Variants in RAD51B observed in about 807,000 individuals in gnomAD.
RAD51B encodes the protein DNA repair protein RAD51 homolog 2.
Under a neutral mutation model 42.2 loss-of-function variants are expected in RAD51B, and 38 were observed. The ratio of observed to expected loss-of-function variants is 0.90; its 90% CI spans 0.70 to 1.18. The LOEUF is 1.18. RAD51B is among the 50% of genes most tolerant of loss of function. The pLI is 0.00. For missense variants in RAD51B, 373 were observed against 400.7 expected, an observed-to-expected ratio of 0.93 and a Z score of 0.59; for synonymous variants, 154 against 145.2, an observed-to-expected ratio of 1.06 and a Z score of -0.43.
At chr14:67,858,569 G>A (rs1327564902) in intron 4 of RAD51B, among the ~76,000 whole-genome samples, 2 of 152,208 alleles carry the variant, frequency 1.3e-5, no homozygotes, top group Admixed American at 6.5e-5. Context: ...CCACTCAAAG[G>A]TGGGCGAGAC....
chr14:67,990,264 G>T (rs1024810807), intron 7 of RAD51B, among the ~76,000 whole-genome samples: 1 of 151,914 alleles, frequency 6.6e-6, no homozygotes, highest in African/African-American at 2.4e-5. Flanking sequence ...GAAAGTGCTG[G>T]GATTACAGGC....
chr14:68,350,444 C>G (rs949040326), intron 8 of RAD51B, among the ~76,000 whole-genome samples: 1 of 152,200 alleles, frequency 6.6e-6, no homozygotes, highest in African/African-American at 2.4e-5. Flanking sequence ...AATTGAGACA[C>G]TAAACTGCAT....
downstream of RAD51B, among the ~76,000 whole-genome samples, chr14:68,597,975 G>T (rs1295944677): frequency 6.6e-6 from 1 of 152,064 alleles, no homozygotes; most frequent in Non-Finnish European, 1.5e-5. Flanking sequence ...AGATCCTACT[G>T]CTTCAGCTCC....
At chr14:67,947,717 A>G (rs2045443677) in intron 7 of RAD51B, among the ~76,000 whole-genome samples, 1 of 152,172 alleles carries the variant, frequency 6.6e-6, no homozygotes, top group South Asian at 2.1e-4. Context: ...GTGTTTTTGT[A>G]GAAAGACTAA....
downstream of RAD51B, among the ~76,000 whole-genome samples, chr14:68,612,782 G>GTA (rs1305421483): frequency 6.7e-6 from 1 of 148,536 alleles, no homozygotes; most frequent in Non-Finnish European, 1.5e-5. Flanking sequence ...TTTATGTTAC[G>GTA]TATATTTGAC....
Position 68,303,470 on chromosome 14 carries a change from AAAAAAAG to A in RAD51B, c.853+11495_853+11501del, listed in dbSNP as rs1352596736. Among the ~76,000 whole-genome samples the A allele has an allele frequency of 4.7e-5, 6 of 126,472 alleles. 1 individual carries two copies. In the East Asian group the frequency reaches 7.0e-4, roughly 15 times the overall value. The allele number at this position is 126,472 out of a possible 152,430, so 83.0% of individuals were successfully genotyped here. ...TATAAAGTATAATAAAAAAAAAAAA[AAAAAAAG>A]AAAAGAAAAAGAAATACGGAAGTGA... is the stretch of plus-strand genomic sequence containing the variant. On this transcript the variant is annotated intron_variant, in intron 8 of 10. Coordinates refer to ENST00000471583, the MANE Select transcript of RAD51B (RefSeq NM_133510.4).
At chr14:68,441,382 AAAAC>A (rs2085282682) in intron 9 of RAD51B, among the ~76,000 whole-genome samples, 1 of 144,426 alleles carries the variant, frequency 6.9e-6, no homozygotes, top group South Asian at 2.2e-4. Context: ...CTCTAGTAAA[AAAAC>A]AAAAAATTAG....
intron 10 of RAD51B, among the ~76,000 whole-genome samples, chr14:68,645,772 C>T (rs1193428885): frequency 6.6e-6 from 1 of 152,174 alleles, no homozygotes; most frequent in Non-Finnish European, 1.5e-5. Flanking sequence ...TCTCCAGACA[C>T]ATCCCTCCTC....
intron 7 of RAD51B, among the ~76,000 whole-genome samples, chr14:68,184,628 A>AC: frequency 6.7e-6 from 1 of 149,936 alleles, no homozygotes; most frequent in African/African-American, 2.5e-5. Context: ...AAAAAACCAA[A>AC]AAAAAAAACA....
chr14:67,890,746 T>A (rs2043195120), intron 7 of RAD51B, among the ~76,000 whole-genome samples: 1 of 151,982 alleles, frequency 6.6e-6, no homozygotes, highest in Non-Finnish European at 1.5e-5. Context: ...AAAGTACAAT[T>A]AAGGTTTATG....
chr14:68,075,833 G>A lies in RAD51B; in HGVS notation c.756+188629G>A, dbSNP rs549306650. Reference sequence around the variant, plus strand: ...CTCTGTATGGAGGCTGTGGTCTGCCGGCAAAGCAAACAGGCAAAGCCCTTT... The same window carrying A: ...CTCTGTATGGAGGCTGTGGTCTGCCAGCAAAGCAAACAGGCAAAGCCCTTT... On this transcript the variant is annotated intron_variant, in intron 7 of 10. Coordinates refer to ENST00000471583, the MANE Select transcript of RAD51B (RefSeq NM_133510.4). Among the ~76,000 whole-genome samples the A allele has an allele frequency of 1.6e-4, 25 of 152,312 alleles. No individual in the cohort carries two copies. In the South Asian group the frequency reaches 4.8e-3, roughly 29 times the overall value.
chr14:68,334,643 T>A (rs1269012980), intron 8 of RAD51B, among the ~76,000 whole-genome samples: 2 of 152,128 alleles, frequency 1.3e-5, no homozygotes, highest in Admixed American at 1.3e-4. Context: ...CACATTTTTT[T>A]TATCCATTCA....
At chr14:68,311,630 T>G (rs1477804434) in intron 8 of RAD51B, among the ~76,000 whole-genome samples, 1 of 152,218 alleles carries the variant, frequency 6.6e-6, no homozygotes, top group Admixed American at 6.5e-5. Context: ...GGCTTAAGCC[T>G]GTAATCCCAG....
chr14:68,615,969 A>G (rs1432107791), downstream of RAD51B, among the ~76,000 whole-genome samples: 4 of 151,956 alleles, frequency 2.6e-5, no homozygotes, highest in African/African-American at 9.7e-5. Flanking sequence ...TACTCATTCC[A>G]TCTGTTCTTT....
At position 68,347,847 on chromosome 14, in the gene RAD51B, G is replaced by A. The variant is rs78570330; in HGVS notation, c.853+55867G>A. Among the ~76,000 whole-genome samples the A allele has an allele frequency of 7.4e-3, 1,120 of 152,300 alleles. 10 individuals carry two copies. The highest frequency in any genetic ancestry group is 0.023 in the African/African-American group (975 of 41,562). ...TGGGAATCCAAGGCAGAATATATCT[G>A]TGTGGTTTGAGAGAGGACTTTAAAG... On this transcript the variant is annotated intron_variant, in intron 8 of 10. Transcript: ENST00000471583.
At chr14:68,073,175 A>G (rs901685617) in intron 7 of RAD51B, among the ~76,000 whole-genome samples, 2 of 152,194 alleles carry the variant, frequency 1.3e-5, no homozygotes, top group African/African-American at 2.4e-5. Flanking sequence ...GTAAGTCTCT[A>G]GGAATTCATG....
At chr14:68,654,804 T>C (rs1892775958) in intron 11 of RAD51B, among the ~76,000 whole-genome samples, 1 of 152,164 alleles carries the variant, frequency 6.6e-6, no homozygotes, top group African/African-American at 2.4e-5. Context: ...GTAAACAGGC[T>C]TTCCCAAACC....
At chr14:68,101,585 G>A (rs1951410) in intron 7 of RAD51B, among the ~76,000 whole-genome samples, 26,708 of 152,196 alleles carry the variant, frequency 0.18, 2,516 homozygotes, top group Middle Eastern at 0.35. Flanking sequence ...CTTTGACTCC[G>A]TGTCTCATGT....
At chr14:68,089,903 T>G (rs763579003) in intron 7 of RAD51B, among the ~76,000 whole-genome samples, 4 of 152,136 alleles carry the variant, frequency 2.6e-5, no homozygotes, top group African/African-American at 9.6e-5. Flanking sequence ...TGCCCTAAAT[T>G]ATATTATTTT....
Sources: gnomAD v4.1 joint callset for allele counts (sites outside exome capture counted in the v4.1 genomes callset) on GRCh38, gnomAD v4.1.1 for gene constraint, MANE v1.5 for transcripts, NCBI Gene and HGNC (gene_info 2026-07-23, HGNC 2026-07-21) for gene names.